NLGN1: variants seen among roughly 807,000 people sequenced by gnomAD.
NLGN1 encodes neuroligin-1.
NLGN1 carries 12 observed loss-of-function variants against 65.5 expected under a neutral mutation model. The observed-to-expected ratio is 0.18, with a 90% CI of 0.12 to 0.30. The LOEUF (loss-of-function observed/expected upper bound fraction) is 0.30. Among genes scored for constraint, NLGN1 ranks in the 10% least tolerant of loss-of-function variants. NLGN1 has a pLI of 1.00. For synonymous variants in NLGN1, 350 were observed against 359.5 expected, an observed-to-expected ratio of 0.97 and a Z score of 0.30; for missense variants, 750 against 1,007.1, an observed-to-expected ratio of 0.74 and a Z score of 3.46.
intron 2 of NLGN1, among the ~76,000 whole-genome samples, chr3:173,476,231 T>C (rs1560307176): frequency 6.6e-6 from 1 of 152,176 alleles, no homozygotes; most frequent in Non-Finnish European, 1.5e-5. Flanking sequence ...GTGCTAATGC[T>C]AGATGTTGAA....
At chr3:174,062,827 C>T (rs983981332) in intron 4 of NLGN1, among the ~76,000 whole-genome samples, 1 of 152,064 alleles carries the variant, frequency 6.6e-6, no homozygotes, top group African/African-American at 2.4e-5. Context: ...AGAATACTAT[C>T]ATTATTAATT....
intron 4 of NLGN1, among the ~76,000 whole-genome samples, chr3:174,002,155 T>C (rs1723430347): frequency 6.6e-6 from 1 of 151,412 alleles, no homozygotes; most frequent in African/African-American, 2.4e-5. Context: ...TGAGATGGAG[T>C]CTTGCTCTGT....
At chr3:174,177,520 AGTG>A in intron 4 of NLGN1, among the ~76,000 whole-genome samples, 1 of 152,172 alleles carries the variant, frequency 6.6e-6, no homozygotes, top group East Asian at 1.9e-4. Flanking sequence ...ATATAATAAA[AGTG>A]AAGGAATAAC....
intron 4 of NLGN1, among the ~76,000 whole-genome samples, chr3:174,252,037 A>G (rs974197822): frequency 3.3e-5 from 5 of 152,180 alleles, no homozygotes; most frequent in Admixed American, 3.3e-4. Context: ...TAAAGGCAAG[A>G]ATAAGCATTT....
At chr3:173,568,378 TG>T (rs1321850769) in intron 2 of NLGN1, among the ~76,000 whole-genome samples, 1 of 151,468 alleles carries the variant, frequency 6.6e-6, no homozygotes, top group Non-Finnish European at 1.5e-5. Flanking sequence ...GGATTACAGG[TG>T]CCCCCCACCA....
chr3:173,980,171 A>G (rs1211910640), intron 4 of NLGN1, among the ~76,000 whole-genome samples: 1 of 152,110 alleles, frequency 6.6e-6, no homozygotes, highest in Non-Finnish European at 1.5e-5. Context: ...AATTATTCTA[A>G]AGCATTAACA....
At chr3:174,050,299 A>C (rs773583643) in intron 4 of NLGN1, among the ~76,000 whole-genome samples, 5 of 152,104 alleles carry the variant, frequency 3.3e-5, no homozygotes, top group Non-Finnish European at 7.4e-5. Flanking sequence ...ATTTCTCTGG[A>C]GTACACAGAG....
chr3:174,230,959 C>A (rs1365698591), intron 4 of NLGN1, among the ~76,000 whole-genome samples: 1 of 151,954 alleles, frequency 6.6e-6, no homozygotes, highest in Admixed American at 6.6e-5. Flanking sequence ...TTTGTTAGTC[C>A]TGCAAAGGCA....
chr3:174,015,824 A>G (rs1169697135), intron 4 of NLGN1, among the ~76,000 whole-genome samples: 3 of 152,180 alleles, frequency 2.0e-5, no homozygotes, highest in African/African-American at 2.4e-5. Flanking sequence ...TAAATGGCAA[A>G]TAAAGTGACA....
At chr3:173,822,424 C>T (rs114333107) in intron 4 of NLGN1, among the ~76,000 whole-genome samples, 2,779 of 152,136 alleles carry the variant, frequency 0.018, 108 homozygotes, top group African/African-American at 0.063. Context: ...TATTGTTTTG[C>T]ATGAGAAAAC....
intron 4 of NLGN1, among the ~76,000 whole-genome samples, chr3:174,104,103 T>G (rs2152586230): frequency 6.6e-6 from 1 of 152,246 alleles, no homozygotes; most frequent in South Asian, 2.1e-4. Flanking sequence ...TTGCAGTAGC[T>G]TCTCTTTTCT....
chr3:173,410,949 G>A (rs974190556), intron 1 of NLGN1, among the ~76,000 whole-genome samples: 1 of 152,226 alleles, frequency 6.6e-6, no homozygotes, highest in Non-Finnish European at 1.5e-5. Context: ...ATATTCAGAA[G>A]AGCTTCACAA....
rs1234807811 is a variant in NLGN1 at position 174,166,347 on chromosome 3, C to CT, written c.647-108966dup. On this transcript the variant is annotated intron_variant, in intron 4 of 6. Coordinates refer to ENST00000457714, the Ensembl canonical transcript of NLGN1. Reference sequence around the variant, plus strand: ...GGCGTTTAGCACTATAAACCTTCCTCTTAACACTGCTTTTTCTGTATCAGA... The same window carrying CT: ...GGCGTTTAGCACTATAAACCTTCCTCTTTAACACTGCTTTTTCTGTATCAGA... 3.3e-5 allele frequency among the ~76,000 whole-genome samples: 5 copies of CT among 152,068 alleles called. No homozygotes were observed. The East Asian group carries it at 9.6e-4, about 29-fold the overall frequency.
chr3:174,037,299 C>G (rs1731346540), intron 4 of NLGN1, among the ~76,000 whole-genome samples: 1 of 152,048 alleles, frequency 6.6e-6, no homozygotes, highest in Non-Finnish European at 1.5e-5. Context: ...GGGTTTTAAC[C>G]TATAACTCAC....
intron 1 of NLGN1, among the ~76,000 whole-genome samples, chr3:173,420,338 T>C (rs1444931527): frequency 6.6e-6 from 1 of 150,508 alleles, no homozygotes; most frequent in East Asian, 1.9e-4. Flanking sequence ...TTGGTTTTTT[T>C]GTCCTTGCGA....
At chr3:173,914,655 T>C (rs911415880) in intron 4 of NLGN1, among the ~76,000 whole-genome samples, 2 of 151,844 alleles carry the variant, frequency 1.3e-5, no homozygotes, top group Non-Finnish European at 2.9e-5. Context: ...GGGGATGGGG[T>C]TACTATGTAA....
intron 4 of NLGN1, among the ~76,000 whole-genome samples, chr3:174,012,253 C>T (rs1459645862): frequency 6.6e-6 from 1 of 152,198 alleles, no homozygotes; most frequent in Non-Finnish European, 1.5e-5. Context: ...CTAAGTTCAC[C>T]TGGCCCTATA....
At chr3:174,033,995 A>G (rs1730581547) in intron 4 of NLGN1, among the ~76,000 whole-genome samples, 1 of 152,104 alleles carries the variant, frequency 6.6e-6, no homozygotes, top group South Asian at 2.1e-4. Flanking sequence ...AACTAACTAA[A>G]TAAATAAACT....
At chr3:173,671,858 G>A (rs916049137) in intron 3 of NLGN1, among the ~76,000 whole-genome samples, 2 of 152,098 alleles carry the variant, frequency 1.3e-5, no homozygotes, top group African/African-American at 4.8e-5. Flanking sequence ...TGAGTACTTC[G>A]TGCTCATAAG....
Sources: allele counts gnomAD v4.1 joint callset (sites outside exome capture counted in the v4.1 genomes callset), GRCh38; gene constraint gnomAD v4.1.1; transcripts MANE v1.5; gene names NCBI Gene and HGNC (gene_info 2026-07-23, HGNC 2026-07-21).